Variants in GALNT17 observed in about 807,000 individuals in gnomAD.
GALNT17 encodes the protein polypeptide N-acetylgalactosaminyltransferase 17.
GALNT17 carries 29 observed loss-of-function variants against 63.7 expected under a neutral mutation model. That is an observed-to-expected ratio of 0.46 (90% confidence interval 0.34 to 0.62). The LOEUF (loss-of-function observed/expected upper bound fraction) is 0.62. Ranked by LOEUF, GALNT17 falls within the 20% of genes least tolerant of loss-of-function variation. The probability of loss-of-function intolerance (pLI) is 0.01; values close to 1 mark genes in which losing one functional copy is unlikely to be tolerated. For missense variants in GALNT17, 603 were observed against 799.6 expected, an observed-to-expected ratio of 0.75 and a Z score of 2.97; for synonymous variants, 305 against 318.3, an observed-to-expected ratio of 0.96 and a Z score of 0.45.
At chr7:71,185,145 G>A (rs1452341683) in intron 1 of GALNT17, among the ~76,000 whole-genome samples, 16 of 51,402 alleles carry the variant, frequency 3.1e-4, no homozygotes, top group South Asian at 8.3e-4. Context: ...CTCCCCTCCC[G>A]TCCCCTCCCC....
chr7:71,533,403 A>G (rs1788752157), intron 5 of GALNT17, among the ~76,000 whole-genome samples: 1 of 152,208 alleles, frequency 6.6e-6, no homozygotes, highest in Admixed American at 6.5e-5. Context: ...TTGAGATTTC[A>G]GGAAGTAATT....
At chr7:71,495,065 AT>A (rs1165919998) in intron 5 of GALNT17, among the ~76,000 whole-genome samples, 1 of 152,132 alleles carries the variant, frequency 6.6e-6, no homozygotes, top group African/African-American at 2.4e-5. Flanking sequence ...GAGGTCAGGA[AT>A]TTGAGACCAG....
intron 1 of GALNT17, among the ~76,000 whole-genome samples, chr7:71,296,466 T>G (rs1425989332): frequency 6.6e-6 from 1 of 151,936 alleles, no homozygotes; most frequent in East Asian, 1.9e-4. Context: ...AATACAAAAA[T>G]TAGCCGGGCA....
intron 5 of GALNT17, among the ~76,000 whole-genome samples, chr7:71,471,857 A>G (rs1318728526): frequency 6.6e-6 from 1 of 151,780 alleles, no homozygotes; most frequent in Non-Finnish European, 1.5e-5. Flanking sequence ...CTGAACTGGG[A>G]GAAAAATAAC....
chr7:71,189,976 A>G (rs1788920957), intron 1 of GALNT17, among the ~76,000 whole-genome samples: 1 of 151,880 alleles, frequency 6.6e-6, no homozygotes, highest in Non-Finnish European at 1.5e-5. Context: ...ACGCCTGGCT[A>G]ATTTTTTTGT....
intron 9 of GALNT17, among the ~76,000 whole-genome samples, chr7:71,695,881 G>A (rs1053982602): frequency 2.0e-5 from 3 of 152,168 alleles, no homozygotes; most frequent in Non-Finnish European, 1.5e-5. Flanking sequence ...AGGGGCTCCT[G>A]TCCCCTGCTG....
At chr7:71,221,639 G>T (rs12668663) in intron 1 of GALNT17, among the ~76,000 whole-genome samples, 2 of 152,024 alleles carry the variant, frequency 1.3e-5, no homozygotes, top group Non-Finnish European at 2.9e-5. Context: ...AATTGATAGT[G>T]CAGTGGTCAG....
At chr7:71,588,326 A>G (rs1789749679) in intron 6 of GALNT17, among the ~76,000 whole-genome samples, 1 of 152,218 alleles carries the variant, frequency 6.6e-6, no homozygotes, top group African/African-American at 2.4e-5. Context: ...GTTTCAAAAT[A>G]AGAATACTAA....
chr7:71,615,869 C>T (rs898161026), intron 6 of GALNT17, among the ~76,000 whole-genome samples: 3 of 152,134 alleles, frequency 2.0e-5, no homozygotes, highest in Admixed American at 6.5e-5. Flanking sequence ...GGCTTAGCCT[C>T]CACTCGGCTT....
At chr7:71,695,474 G>C (rs1584144074) in intron 9 of GALNT17, among the ~76,000 whole-genome samples, 1 of 152,126 alleles carries the variant, frequency 6.6e-6, no homozygotes, top group African/African-American at 2.4e-5. Flanking sequence ...GGAACCATCT[G>C]GTTCCATAGC....
intron 5 of GALNT17, among the ~76,000 whole-genome samples, chr7:71,569,178 G>T (rs1471120577): frequency 2.0e-5 from 3 of 152,136 alleles, no homozygotes; most frequent in Non-Finnish European, 4.4e-5. Flanking sequence ...CACCATGTTG[G>T]CCAGGATGGT....
In GALNT17 at chr7:71,669,952, T is replaced by C. The variant is rs1338551721; in HGVS notation, c.1267-20T>C. ...GAGCTCCACAGTCACTAACACCCCT[T>C]GGCTTCTCTCTCCTTTCAGAATCCG... On this transcript the variant is annotated intron_variant, in intron 7 of 10. Transcript: ENST00000333538. The C allele has an allele frequency of 1.2e-6, 2 of 1,613,728 alleles. No homozygotes were observed. Among genetic ancestry groups the C allele is most frequent in the South Asian group, 1.1e-5 (1 of 91,040 alleles).
intron 1 of GALNT17, among the ~76,000 whole-genome samples, chr7:71,303,228 C>T (rs1583844526): frequency 6.6e-6 from 1 of 151,842 alleles, no homozygotes. Flanking sequence ...GAAATCATGG[C>T]TCACTGTAGC....
rs1295942911 is a variant in GALNT17, at chr7:71,569,474, T to G, written c.963-1811T>G. Among the ~76,000 whole-genome samples the G allele has an allele frequency of 5.9e-5, 9 of 152,162 alleles. No individual in the cohort carries two copies. The East Asian group carries it at 1.7e-3, about 29-fold the overall frequency. On this transcript the variant is annotated intron_variant, in intron 5 of 10. Transcript: ENST00000333538. ...TCCGAAGTGACTATTGTTACCATCT[T>G]TATGCCTGTGTGTACCCAATGTTTA...
At chr7:71,393,290 G>C (rs1793082362) in intron 3 of GALNT17, among the ~76,000 whole-genome samples, 1 of 151,946 alleles carries the variant, frequency 6.6e-6, no homozygotes, top group South Asian at 2.1e-4. Context: ...GTTCACATTT[G>C]ATTAAAACTT....
At chr7:71,245,540 G>A (rs1790078408) in intron 1 of GALNT17, among the ~76,000 whole-genome samples, 1 of 152,146 alleles carries the variant, frequency 6.6e-6, no homozygotes, top group African/African-American at 2.4e-5. Flanking sequence ...ATAATGCTTT[G>A]CTGTGAAAGA....
intron 6 of GALNT17, among the ~76,000 whole-genome samples, chr7:71,647,187 C>A: frequency 6.6e-6 from 1 of 151,400 alleles, no homozygotes. Context: ...GCCTCAGCCT[C>A]CTAAGTACTG....
chr7:71,589,013 G>T (rs538826005), intron 6 of GALNT17, among the ~76,000 whole-genome samples: 12 of 152,122 alleles, frequency 7.9e-5, no homozygotes, highest in African/African-American at 2.9e-4. Flanking sequence ...AAAGCTAAAC[G>T]TGGGAAGTGA....
At chr7:71,626,064 T>C (rs1790371178) in intron 6 of GALNT17, among the ~76,000 whole-genome samples, 1 of 151,836 alleles carries the variant, frequency 6.6e-6, no homozygotes, top group Non-Finnish European at 1.5e-5. Context: ...ACCAACATGG[T>C]GAAACCCTGT....
Sources: allele counts gnomAD v4.1 joint callset (sites outside exome capture counted in the v4.1 genomes callset), GRCh38; gene constraint gnomAD v4.1.1; transcripts MANE v1.5; gene names NCBI Gene and HGNC (gene_info 2026-07-23, HGNC 2026-07-21).